Variants in DLG2 observed in about 807,000 individuals in gnomAD.
DLG2 encodes disks large homolog 2.
A neutral mutation model predicts 132.5 loss-of-function variants in DLG2; 45 were observed. The observed-to-expected ratio is 0.34, with a 90% CI of 0.27 to 0.44. The LOEUF is 0.44. Among genes scored for constraint, DLG2 ranks in the 20% least tolerant of loss-of-function variants. DLG2 has a pLI of 1.00. For synonymous variants in DLG2, 424 were observed against 419.6 expected (o/e 1.01, Z -0.13); for missense variants, 1,045 against 1,196.9 (o/e 0.87, Z 1.87).
chr11:85,169,043 C>T (rs2078658148), intron 4 of DLG2, among the ~76,000 whole-genome samples: 1 of 152,046 alleles, frequency 6.6e-6, no homozygotes, highest in Admixed American at 6.6e-5. Flanking sequence ...TGCTCAAGTC[C>T]CTCATATAAA....
chr11:84,156,936 C>T (rs2095440402), intron 9 of DLG2, among the ~76,000 whole-genome samples: 2 of 152,142 alleles, frequency 1.3e-5, no homozygotes, highest in South Asian at 4.1e-4. Context: ...TCTTTTATCT[C>T]ACATTGTTGA....
intron 4 of DLG2, among the ~76,000 whole-genome samples, chr11:85,253,242 T>A (rs1003153779): frequency 5.9e-5 from 9 of 152,210 alleles, no homozygotes; most frequent in African/African-American, 2.2e-4. Flanking sequence ...CCAAAAATTC[T>A]ACTCCCAGGT....
At chr11:83,478,015 C>T (rs367995370) in intron 22 of DLG2, among the ~76,000 whole-genome samples, 88 of 152,188 alleles carry the variant, frequency 5.8e-4, no homozygotes, top group African/African-American at 2.0e-3. Flanking sequence ...ATTCTTGAGC[C>T]AGACATCAAT....
chr11:83,993,592 G>A (rs1176372925), intron 11 of DLG2, among the ~76,000 whole-genome samples: 1 of 152,136 alleles, frequency 6.6e-6, no homozygotes, highest in Admixed American at 6.6e-5. Flanking sequence ...TTATGGGGCT[G>A]TATGATAGAA....
intron 7 of DLG2, among the ~76,000 whole-genome samples, chr11:84,325,462 A>T (rs184351714): frequency 1.3e-5 from 2 of 152,148 alleles, no homozygotes; most frequent in East Asian, 3.9e-4. Context: ...AATGAAATAA[A>T]TGTGTCAATT....
At chr11:85,574,987 T>C (rs1048274867) in intron 3 of DLG2, among the ~76,000 whole-genome samples, 1 of 152,106 alleles carries the variant, frequency 6.6e-6, no homozygotes, top group Non-Finnish European at 1.5e-5. Context: ...ACCATAACTA[T>C]TTCTCACCTG....
At chr11:85,554,287 A>G (rs1354450524) in intron 3 of DLG2, among the ~76,000 whole-genome samples, 2 of 151,906 alleles carry the variant, frequency 1.3e-5, no homozygotes, top group Non-Finnish European at 2.9e-5. Flanking sequence ...AAAATATTAG[A>G]GAAAATAATA....
intron 10 of DLG2, among the ~76,000 whole-genome samples, chr11:84,093,949 G>A (rs1229069428): frequency 6.6e-6 from 1 of 151,076 alleles, no homozygotes; most frequent in African/African-American, 2.4e-5. Flanking sequence ...TACCACAGTG[G>A]GTCTTTTTTT....
At chr11:84,538,625 C>G (rs912998166) in intron 6 of DLG2, among the ~76,000 whole-genome samples, 1 of 151,860 alleles carries the variant, frequency 6.6e-6, no homozygotes, top group Non-Finnish European at 1.5e-5. Flanking sequence ...GAACTGCCCT[C>G]CATAAATCAT....
intron 21 of DLG2, among the ~76,000 whole-genome samples, chr11:83,512,551 CTTTAAG>C (rs1463264034): frequency 1.3e-5 from 2 of 151,632 alleles, no homozygotes; most frequent in African/African-American, 4.8e-5. Context: ...TTATATTATA[CTTTAAG>C]TTTTAGGGTA....
intron 7 of DLG2, among the ~76,000 whole-genome samples, chr11:84,503,375 G>T (rs1272979925): frequency 2.0e-5 from 3 of 152,192 alleles, no homozygotes; most frequent in African/African-American, 7.2e-5. Flanking sequence ...TTGGGGAAAG[G>T]TTGATGCATA....
chr11:84,559,815 T>C (rs934714600), intron 6 of DLG2, among the ~76,000 whole-genome samples: 2 of 152,194 alleles, frequency 1.3e-5, no homozygotes, highest in Non-Finnish European at 2.9e-5. Context: ...AGTTAGTTTA[T>C]GCTAGATCTT....
chr11:84,668,500 C>G (rs1228630301), intron 6 of DLG2, among the ~76,000 whole-genome samples: 2 of 152,144 alleles, frequency 1.3e-5, no homozygotes, highest in Admixed American at 6.5e-5. Context: ...AATGCCCTTT[C>G]TGATAAAACT....
intron 3 of DLG2, among the ~76,000 whole-genome samples, chr11:85,544,560 T>C (rs1415683480): frequency 6.6e-6 from 1 of 152,214 alleles, no homozygotes; most frequent in Non-Finnish European, 1.5e-5. Context: ...GGGAGAGCAC[T>C]GAATCTATAA....
intron 6 of DLG2, among the ~76,000 whole-genome samples, chr11:84,669,653 C>A (rs1429159840): frequency 6.6e-6 from 1 of 152,164 alleles, no homozygotes. Context: ...ACTAAACACA[C>A]ACTTTGACCA....
At chr11:85,004,131 T>G (rs904394813) in intron 6 of DLG2, among the ~76,000 whole-genome samples, 1 of 152,212 alleles carries the variant, frequency 6.6e-6, no homozygotes, top group South Asian at 2.1e-4. Flanking sequence ...TGATGGGCAT[T>G]TGGGTTGGTT....
At chr11:85,143,757 A>G (rs1228050709) in intron 5 of DLG2, among the ~76,000 whole-genome samples, 1 of 151,552 alleles carries the variant, frequency 6.6e-6, no homozygotes, top group East Asian at 1.9e-4. Context: ...CTTCTTATTG[A>G]TTTTTAGTTC....
intron 8 of DLG2, among the ~76,000 whole-genome samples, chr11:84,183,587 A>T (rs1170092644): frequency 2.0e-5 from 3 of 151,974 alleles, no homozygotes; most frequent in South Asian, 2.1e-4. Flanking sequence ...TCTTTTTTTT[A>T]AATTATACTT....
chr11:84,491,841 C>T (rs1329943459), intron 7 of DLG2, among the ~76,000 whole-genome samples: 1 of 152,034 alleles, frequency 6.6e-6, no homozygotes, highest in African/African-American at 2.4e-5. Context: ...TGTGTTTTAC[C>T]TAATACACTT....
Sources: gnomAD v4.1 joint callset for allele counts (sites outside exome capture counted in the v4.1 genomes callset) on GRCh38, gnomAD v4.1.1 for gene constraint, MANE v1.5 for transcripts, NCBI Gene and HGNC (gene_info 2026-07-23, HGNC 2026-07-21) for gene names.